Variants in DPP10 observed in about 807,000 individuals in gnomAD.
DPP10 encodes dipeptidyl peptidase like 10, also known as inactive dipeptidyl peptidase 10.
In DPP10, 33 loss-of-function variants were observed where a neutral mutation model predicts 120.9. The ratio of observed to expected loss-of-function variants is 0.27; its 90% CI spans 0.21 to 0.37. The LOEUF (loss-of-function observed/expected upper bound fraction) is 0.37. Among genes scored for constraint, DPP10 ranks in the 10% least tolerant of loss-of-function variants. DPP10 has a pLI of 1.00. For synonymous variants in DPP10, 337 were observed against 326.1 expected (o/e 1.03, Z -0.36); for missense variants, 816 against 942.8 (o/e 0.87, Z 1.76).
At chr2:115,052,185 G>A (rs1050980512) in intron 1 of DPP10, among the ~76,000 whole-genome samples, 2 of 151,996 alleles carry the variant, frequency 1.3e-5, no homozygotes, top group African/African-American at 4.8e-5. Context: ...AACTCATAAT[G>A]GATCAAACGC....
At chr2:115,423,034 A>G (rs2070123382) in intron 3 of DPP10, among the ~76,000 whole-genome samples, 1 of 152,150 alleles carries the variant, frequency 6.6e-6, no homozygotes, top group Non-Finnish European at 1.5e-5. Context: ...TGACATTTAA[A>G]TAGTCTAGTG....
At chr2:114,799,140 A>G (rs1299272305) in intron 1 of DPP10, among the ~76,000 whole-genome samples, 1 of 152,218 alleles carries the variant, frequency 6.6e-6, no homozygotes, top group Non-Finnish European at 1.5e-5. Flanking sequence ...AAGAGAAAAA[A>G]AATTAAAAAG....
At chr2:115,015,859 C>T (rs1057240741) in intron 1 of DPP10, among the ~76,000 whole-genome samples, 2 of 152,112 alleles carry the variant, frequency 1.3e-5, no homozygotes, top group South Asian at 2.1e-4. Flanking sequence ...AGGACAAAAA[C>T]AAATGGAACA....
chr2:114,886,350 C>A (rs890851538), intron 1 of DPP10, among the ~76,000 whole-genome samples: 7 of 152,168 alleles, frequency 4.6e-5, no homozygotes. Context: ...GCAGCAGCAA[C>A]CCCTATTACT....
intron 1 of DPP10, among the ~76,000 whole-genome samples, chr2:115,194,117 A>G (rs891557152): frequency 2.0e-5 from 3 of 152,204 alleles, no homozygotes; most frequent in Non-Finnish European, 2.9e-5. Flanking sequence ...TGTGCTCACA[A>G]TGAAGTTTCC....
At chr2:115,520,965 G>A (rs1321456822) in intron 4 of DPP10, among the ~76,000 whole-genome samples, 1 of 152,110 alleles carries the variant, frequency 6.6e-6, no homozygotes, top group Non-Finnish European at 1.5e-5. Context: ...GTGCAATCAC[G>A]AAACAGTGAT....
chr2:115,216,955 A>C (rs2056869316), intron 1 of DPP10, among the ~76,000 whole-genome samples: 1 of 152,058 alleles, frequency 6.6e-6, no homozygotes, highest in Non-Finnish European at 1.5e-5. Context: ...TAACATCAAA[A>C]GTATACACTA....
intron 3 of DPP10, among the ~76,000 whole-genome samples, chr2:115,419,222 A>G (rs1278353944): frequency 6.6e-6 from 1 of 152,182 alleles, no homozygotes; most frequent in African/African-American, 2.4e-5. Context: ...ACACATCTAA[A>G]TATCAAGAGA....
intron 1 of DPP10, among the ~76,000 whole-genome samples, chr2:114,603,893 A>G (rs1386027478): frequency 6.6e-6 from 1 of 152,070 alleles, no homozygotes; most frequent in East Asian, 1.9e-4. Context: ...GGCTCACAGG[A>G]CTCATCTTGT....
chr2:115,389,763 GAGT>G (rs2067201986), intron 3 of DPP10, among the ~76,000 whole-genome samples: 1 of 152,138 alleles, frequency 6.6e-6, no homozygotes, highest in South Asian at 2.1e-4. Flanking sequence ...ACTCACAAAA[GAGT>G]AGTATTCAGT....
intron 1 of DPP10, among the ~76,000 whole-genome samples, chr2:114,880,570 G>GA (rs1691519175): frequency 1.3e-5 from 2 of 152,034 alleles, no homozygotes; most frequent in African/African-American, 4.8e-5. Flanking sequence ...AATGAAAGGG[G>GA]AAAAAATCCT....
chr2:115,476,263 C>T (rs1010415064), intron 3 of DPP10, among the ~76,000 whole-genome samples: 1 of 152,076 alleles, frequency 6.6e-6, no homozygotes, highest in Non-Finnish European at 1.5e-5. Context: ...CTCATGAGAT[C>T]TGATGTTTTA....
At chr2:114,541,024 T>C (rs1303594921) in intron 1 of DPP10, among the ~76,000 whole-genome samples, 1 of 152,214 alleles carries the variant, frequency 6.6e-6, no homozygotes, top group Non-Finnish European at 1.5e-5. Flanking sequence ...CTCTCCATCT[T>C]TAAGAGACAA....
intron 1 of DPP10, among the ~76,000 whole-genome samples, chr2:115,228,010 C>A (rs1264950693): frequency 6.6e-6 from 1 of 151,386 alleles, no homozygotes. Flanking sequence ...CAGCCTGGAC[C>A]ACCCTGGACT....
At chr2:115,300,687 T>C (rs1468297884) in intron 1 of DPP10, among the ~76,000 whole-genome samples, 3 of 152,020 alleles carry the variant, frequency 2.0e-5, no homozygotes, top group Admixed American at 6.6e-5. Flanking sequence ...AGCTACAATT[T>C]TGGGGTCATT....
At chr2:114,485,370 T>A (rs573149918) in intron 1 of DPP10, among the ~76,000 whole-genome samples, 4 of 151,798 alleles carry the variant, frequency 2.6e-5, no homozygotes, top group Non-Finnish European at 5.9e-5. Context: ...TGGTTAATGT[T>A]AAGTTAATTT....
At position 115,499,623 on chromosome 2, in the gene DPP10, ATTACT is replaced by A. The variant is rs1279223371; in HGVS notation, c.366+23_366+27del. The A allele has an allele frequency of 1.1e-5, 17 of 1,567,418 alleles. No homozygotes were observed. The highest frequency in any genetic ancestry group is 1.4e-5 in the Non-Finnish European group (16 of 1,139,796). Reference sequence around the variant, plus strand: ...AACTTTTGTAAGTAATGAATAATTAATTACTTTATGCATTTCAGTACTGTTTAGAA... The same window carrying A: ...AACTTTTGTAAGTAATGAATAATTAATTATGCATTTCAGTACTGTTTAGAA... On this transcript the variant is annotated intron_variant, in intron 4 of 25. Coordinates refer to ENST00000410059, the MANE Select transcript of DPP10 (RefSeq NM_020868.6).
chr2:114,722,775 CAAAAAAAAAAA>C (rs61497158), intron 1 of DPP10, among the ~76,000 whole-genome samples: 1 of 55,860 alleles, frequency 1.8e-5, no homozygotes, highest in Non-Finnish European at 3.1e-5. Context: ...GGCTCTGTCT[CAAAAAAAAAAA>C]AAAAAAAAAA....
intron 1 of DPP10, among the ~76,000 whole-genome samples, chr2:114,718,086 C>T (rs925019882): frequency 7.0e-6 from 1 of 142,348 alleles, no homozygotes; most frequent in Non-Finnish European, 1.5e-5. Flanking sequence ...AAAATAATAA[C>T]AAAAAAAAAA....
Sources: gnomAD v4.1 joint callset for allele counts (sites outside exome capture counted in the v4.1 genomes callset) on GRCh38, gnomAD v4.1.1 for gene constraint, MANE v1.5 for transcripts, NCBI Gene and HGNC (gene_info 2026-07-23, HGNC 2026-07-21) for gene names.